The following PRICKLE1 variants were observed in gnomAD, a reference collection of about 807,000 sequenced individuals.
The protein encoded by PRICKLE1 is prickle planar cell polarity protein 1.
In PRICKLE1, 14 loss-of-function variants were observed where a neutral mutation model predicts 70.2. That is an observed-to-expected ratio of 0.20 (90% confidence interval 0.13 to 0.31). PRICKLE1 has a LOEUF of 0.31. PRICKLE1 is among the 10% of genes least tolerant of loss of function. The pLI is 1.00. For synonymous variants in PRICKLE1, 357 were observed against 379.9 expected (o/e 0.94, Z 0.70); for missense variants, 821 against 1,026.2 (o/e 0.80, Z 2.73).
chr12:42,500,760 C>A (rs1230039990), intron 1 of PRICKLE1, among the ~76,000 whole-genome samples: 1 of 150,190 alleles, frequency 6.7e-6, no homozygotes, highest in Non-Finnish European at 1.5e-5. Context: ...GCAATTCTAA[C>A]AATATGTCCC....
In PRICKLE1 at chr12:42,521,729, TTAAC is replaced by T. The variant is rs936752009; in HGVS notation, c.-48-49169_-48-49166del. ...AAAAAAAAGCCATTAACAGTAGAAA[TTAAC>T]TAACCAGTTAAAACCGAGAACAAGC... On this transcript the variant is annotated intron_variant, in intron 1 of 7. Coordinates refer to ENST00000345127, the MANE Select transcript of PRICKLE1 (RefSeq NM_153026.3). Among the ~76,000 whole-genome samples, 6 of 151,600 alleles carry T rather than the reference TTAAC, an allele frequency of 4.0e-5. No homozygotes were observed. In the South Asian group the frequency reaches 8.4e-4, roughly 21 times the overall value.
At position 42,464,610 on chromosome 12, in the gene PRICKLE1, T is replaced by C; in HGVS notation, c.1424A>G (p.Gln475Arg). 1 of 1,614,026 alleles carries C rather than the reference T, an allele frequency of 6.2e-7. No homozygotes were observed. The highest frequency in any genetic ancestry group is 8.5e-7 in the Non-Finnish European group (1 of 1,180,020). The change falls in exon 7 of 8, where the codon CAG (glutamine) becomes CGG (arginine). Residue 475 changes from glutamine to arginine, a missense_variant. By Grantham distance (43) the Gln-to-Arg change is conservative. Transcript: ENST00000345127. The surrounding 1 kb of genome is among the most constrained non-coding windows in gnomAD (Gnocchi z 4.2). Reference sequence around the variant, plus strand: ...AGAATCGCCCAGTCCATCTTGTGACTGTGCCCAGTACATATCAGACTGGTA... The same window carrying C: ...AGAATCGCCCAGTCCATCTTGTGACCGTGCCCAGTACATATCAGACTGGTA... ...KKYQSDMYWA[Q>R]SQDGLGDSAY...
At chr12:42,516,453 T>C (rs1939614113) in intron 1 of PRICKLE1, among the ~76,000 whole-genome samples, 2 of 152,276 alleles carry the variant, frequency 1.3e-5, no homozygotes, top group Admixed American at 1.3e-4. Flanking sequence ...ATTTTTAATA[T>C]CCAAGAGTTC....
At chr12:42,533,082 A>G (rs1029487322) in intron 1 of PRICKLE1, among the ~76,000 whole-genome samples, 1 of 152,126 alleles carries the variant, frequency 6.6e-6, no homozygotes, top group African/African-American at 2.4e-5. Context: ...AAATTTAAAA[A>G]TAGATCATGA....
intron 1 of PRICKLE1, among the ~76,000 whole-genome samples, chr12:42,526,730 C>A (rs1939805386): frequency 7.0e-6 from 1 of 143,500 alleles, no homozygotes; most frequent in Non-Finnish European, 1.5e-5. Flanking sequence ...CCACTGTTCC[C>A]CCTTAAAAAC....
At chr12:42,554,137 C>CA (rs539353116) in intron 1 of PRICKLE1, among the ~76,000 whole-genome samples, 4 of 152,064 alleles carry the variant, frequency 2.6e-5, no homozygotes, top group African/African-American at 9.6e-5. Context: ...CCAACAACAA[C>CA]AAAAAAACAA....
rs560923091 is a variant in PRICKLE1 at position 42,552,720 on chromosome 12, T to C, written c.-49+36745A>G. 8.2e-4 allele frequency among the ~76,000 whole-genome samples: 125 copies of C among 152,348 alleles called. 1 individual carries two copies. Among genetic ancestry groups the C allele is most frequent in the African/African-American group, 2.8e-3 (117 of 41,586 alleles). On this transcript the variant is annotated intron_variant, in intron 1 of 7. Coordinates refer to ENST00000345127, the MANE Select transcript of PRICKLE1 (RefSeq NM_153026.3). ...GCAGCACTTGTATTAGGAACGTATG[T>C]AAAGACCCTGTTTTAAATTGGAGTA... is the stretch of plus-strand genomic sequence containing the variant.
intron 1 of PRICKLE1, among the ~76,000 whole-genome samples, chr12:42,558,086 T>A (rs1940442377): frequency 6.6e-6 from 1 of 152,182 alleles, no homozygotes; most frequent in Admixed American, 6.5e-5. Flanking sequence ...TAAAGGCATG[T>A]CTACACAAAA....
intron 1 of PRICKLE1, among the ~76,000 whole-genome samples, chr12:42,505,131 T>C (rs1332858709): frequency 1.3e-5 from 2 of 152,140 alleles, no homozygotes; most frequent in African/African-American, 4.8e-5. Flanking sequence ...AGAGTGAGAC[T>C]CCATCTCAAA....
chr12:42,501,226 C>T (rs1015693638), intron 1 of PRICKLE1, among the ~76,000 whole-genome samples: 8 of 151,966 alleles, frequency 5.3e-5, no homozygotes, highest in African/African-American at 7.3e-5. Context: ...AGAGCAAGGC[C>T]GGGTGCGGTG....
chr12:42,577,690 G>A (rs1940826016), intron 1 of PRICKLE1, among the ~76,000 whole-genome samples: 2 of 152,110 alleles, frequency 1.3e-5, no homozygotes, highest in Non-Finnish European at 2.9e-5. Context: ...CACAGAGTGG[G>A]TACGAAGGCC....
At chr12:42,533,687 TAA>T (rs1939965606) in intron 1 of PRICKLE1, among the ~76,000 whole-genome samples, 1 of 151,516 alleles carries the variant, frequency 6.6e-6, no homozygotes, top group Admixed American at 6.6e-5. Flanking sequence ...CCACAAAAAA[TAA>T]AGAGAGAGAG....
At chr12:42,508,060 AT>A (rs1411647415) in intron 1 of PRICKLE1, among the ~76,000 whole-genome samples, 1 of 152,218 alleles carries the variant, frequency 6.6e-6, no homozygotes, top group African/African-American at 2.4e-5. Context: ...TTCAATGGCG[AT>A]TTAGATACCA....
chr12:42,563,804 G>C (rs977784243), intron 1 of PRICKLE1, among the ~76,000 whole-genome samples: 2 of 150,302 alleles, frequency 1.3e-5, no homozygotes, highest in South Asian at 2.1e-4. Context: ...ATAGAGTACA[G>C]ACAGGGAGAG....
Position 42,564,269 on chromosome 12 carries a change from A to G in PRICKLE1, c.-49+25196T>C, listed in dbSNP as rs67925608. 8.0e-5 allele frequency among the ~76,000 whole-genome samples: 10 copies of G among 125,008 alleles called. 1 individual carries two copies. Among genetic ancestry groups the G allele is most frequent in the South Asian group, 5.0e-4 (2 of 3,978 alleles). The allele number at this position is 125,008 out of a possible 152,430, so 82.0% of individuals were successfully genotyped here. Reference sequence around the variant, plus strand: ...GACTCTGTCTAAAAAAAAAAAAAAAAAAAGAAAAGAAAAAAGAAAAAGGTC... The same window carrying G: ...GACTCTGTCTAAAAAAAAAAAAAAAGAAAGAAAAGAAAAAAGAAAAAGGTC... On this transcript the variant is annotated intron_variant, in intron 1 of 7. Transcript: ENST00000345127.
intron 1 of PRICKLE1, among the ~76,000 whole-genome samples, chr12:42,535,535 T>C (rs777958205): frequency 1.6e-4 from 24 of 152,174 alleles, no homozygotes; most frequent in Non-Finnish European, 3.2e-4. Context: ...TTTATGACCA[T>C]TGAGAAAATT....
intron 7 of PRICKLE1, 148 bp from the exon 8 acceptor site, chr12:42,460,813 T>C: frequency 2.4e-6 from 2 of 850,900 alleles, no homozygotes; most frequent in Admixed American, 2.1e-5. Flanking sequence ...AACATGTATC[T>C]ATGCCAATTG....
intron 1 of PRICKLE1, among the ~76,000 whole-genome samples, chr12:42,560,766 TCTCACACACACACA>T (rs1198447189): frequency 1.7e-5 from 2 of 119,238 alleles, no homozygotes; most frequent in African/African-American, 2.7e-5. Flanking sequence ...AAGCCCATCT[TCTCACACACACACA>T]CACACACACA....
At chr12:42,526,864 CA>C (rs2120514446) in intron 1 of PRICKLE1, among the ~76,000 whole-genome samples, 1 of 151,930 alleles carries the variant, frequency 6.6e-6, no homozygotes, top group Non-Finnish European at 1.5e-5. Flanking sequence ...ATGTCTCTAG[CA>C]TGGCAATAGG....
Sources: allele counts gnomAD v4.1 joint callset (sites outside exome capture counted in the v4.1 genomes callset), GRCh38; gene constraint gnomAD v4.1.1; non-coding constraint Gnocchi (gnomAD v3.1); transcripts MANE v1.5; gene names NCBI Gene and HGNC (gene_info 2026-07-23, HGNC 2026-07-21).